MRTFA: variants seen among roughly 807,000 people sequenced by gnomAD.
The protein encoded by MRTFA is myocardin-related transcription factor A.
In MRTFA, 20 loss-of-function variants were observed where a neutral mutation model predicts 83.5. The observed-to-expected ratio is 0.24, with a 90% confidence interval of 0.17 to 0.35. The LOEUF (loss-of-function observed/expected upper bound fraction) is 0.35. MRTFA is among the 10% of genes least tolerant of loss of function. The probability of loss-of-function intolerance (pLI) is 1.00; values close to 1 mark genes in which losing one functional copy is unlikely to be tolerated. For synonymous variants in MRTFA, 659 were observed against 541.2 expected, an observed-to-expected ratio of 1.22 and a Z score of -3.02; for missense variants, 1,200 against 1,224.7, an observed-to-expected ratio of 0.98 and a Z score of 0.30.
At chr22:40,497,349 G>A (rs1421763176) in intron 3 of MRTFA, among the ~76,000 whole-genome samples, 1 of 152,212 alleles carries the variant, frequency 6.6e-6, no homozygotes, top group African/African-American at 2.4e-5. Flanking sequence ...ATTACTTGAG[G>A]AATGGAGAAT....
intron 2 of MRTFA, among the ~76,000 whole-genome samples, chr22:40,571,607 TG>T (rs928736153): frequency 6.6e-6 from 1 of 152,030 alleles, no homozygotes; most frequent in African/African-American, 2.4e-5. Context: ...AATTTTAAAA[TG>T]GGCAATGGAT....
At position 40,431,424 on chromosome 22, in the gene MRTFA, G is replaced by T; in HGVS notation, c.420C>A (p.Val140=). The stretch of plus-strand genomic sequence containing the variant: ...CCACACCTTCCAAAATGTGCATCCT[G>T]ACCAGCTCCGATCTCTCCGGCCGGG... The change falls in exon 6 of 15, where the codon GTC becomes GTA. Residue 140 remains valine, a synonymous_variant. Transcript: ENST00000355630. 6.2e-7 allele frequency: 1 copy of T among 1,614,048 alleles called. No individual in the cohort carries two copies. The highest frequency in any genetic ancestry group is 1.1e-5 in the South Asian group (1 of 91,058).
At chr22:40,493,663 A>T (rs1161471860) in intron 3 of MRTFA, among the ~76,000 whole-genome samples, 2 of 152,230 alleles carry the variant, frequency 1.3e-5, no homozygotes, top group African/African-American at 4.8e-5. Flanking sequence ...TACCAGCAAT[A>T]AATGATTTGT....
intron 3 of MRTFA, among the ~76,000 whole-genome samples, chr22:40,525,597 C>T (rs2054955513): frequency 6.6e-6 from 1 of 152,158 alleles, no homozygotes; most frequent in South Asian, 2.1e-4. Flanking sequence ...AGTATAAATA[C>T]ATAAAATTTT....
At chr22:40,444,886 G>A (rs561665647) in intron 4 of MRTFA, among the ~76,000 whole-genome samples, 1 of 152,156 alleles carries the variant, frequency 6.6e-6, no homozygotes, top group Non-Finnish European at 1.5e-5. Context: ...TGGGCAATGT[G>A]GCGGCACCCA....
chr22:40,463,108 A>G, intron 4 of MRTFA, 113 bp downstream of exon 4: 1 of 902,704 alleles, frequency 1.1e-6, no homozygotes, highest in South Asian at 1.5e-5. Context: ...AAGAGAGTGG[A>G]AAATAAAACG....
chr22:40,429,425 C>G, intron 7 of MRTFA, 181 bp downstream of exon 7: 2 of 739,626 alleles, frequency 2.7e-6, no homozygotes, highest in Non-Finnish European at 4.9e-6. Context: ...CAGGCACTAT[C>G]CCAAGTTCAT....
chr22:40,556,054 A>G (rs2055518868), intron 2 of MRTFA, among the ~76,000 whole-genome samples: 1 of 152,192 alleles, frequency 6.6e-6, no homozygotes, highest in Admixed American at 6.5e-5. Context: ...TTATACAAAG[A>G]AAAAAGATTT....
intron 1 of MRTFA, among the ~76,000 whole-genome samples, chr22:40,608,730 G>C (rs1464713464): frequency 6.6e-6 from 1 of 152,070 alleles, no homozygotes; most frequent in African/African-American, 2.4e-5. Context: ...CTGAGCCCTA[G>C]GGATACTAGT....
At chr22:40,619,814 T>C (rs2056498062) in intron 1 of MRTFA, among the ~76,000 whole-genome samples, 1 of 137,298 alleles carries the variant, frequency 7.3e-6, no homozygotes, top group Non-Finnish European at 1.5e-5. Flanking sequence ...GGTGCAAACC[T>C]GGGAGGTGGA....
intron 3 of MRTFA, among the ~76,000 whole-genome samples, chr22:40,514,074 G>A (rs573383903): frequency 4.6e-5 from 7 of 151,936 alleles, no homozygotes; most frequent in East Asian, 3.9e-4. Flanking sequence ...TGGCTAATAC[G>A]GCAAAACCCA....
chr22:40,434,963 A>G (rs545992622), intron 5 of MRTFA, among the ~76,000 whole-genome samples: 5 of 152,076 alleles, frequency 3.3e-5, no homozygotes, highest in Non-Finnish European at 7.4e-5. Flanking sequence ...TGTGGCAGAA[A>G]ACTTGGGCTT....
Position 40,555,586 on chromosome 22 carries a change from T to TA in MRTFA, c.-21-3220_-21-3219insT, listed in dbSNP as rs1556004957. 2.7e-3 allele frequency among the ~76,000 whole-genome samples: 404 copies of TA among 149,018 alleles called. 1 individual carries two copies. Among genetic ancestry groups the TA allele is most frequent in the Middle Eastern group, 7.0e-3 (2 of 286 alleles). On this transcript the variant is annotated intron_variant, in intron 2 of 14. Coordinates refer to ENST00000355630, the MANE Select transcript of MRTFA (RefSeq NM_020831.6). Reference sequence around the variant, plus strand: ...TAAACCTCATAAATTAAAAAAAATTTTATATATATATATATATCTCCACTC... The same window carrying TA: ...TAAACCTCATAAATTAAAAAAAATTTATATATATATATATATATCTCCACTC...
intron 2 of MRTFA, among the ~76,000 whole-genome samples, chr22:40,585,777 T>C (rs758302494): frequency 2.0e-5 from 3 of 152,122 alleles, no homozygotes; most frequent in Non-Finnish European, 4.4e-5. Flanking sequence ...CCAAGGGCAA[T>C]AGTTGAGCAG....
At chr22:40,542,734 C>G (rs1384745381) in intron 3 of MRTFA, among the ~76,000 whole-genome samples, 4 of 151,966 alleles carry the variant, frequency 2.6e-5, no homozygotes, top group African/African-American at 9.7e-5. Flanking sequence ...AATGATGGCA[C>G]AGAACAGAAT....
At chr22:40,623,380 T>C (rs2056545798) in intron 1 of MRTFA, among the ~76,000 whole-genome samples, 1 of 152,110 alleles carries the variant, frequency 6.6e-6, no homozygotes, top group Non-Finnish European at 1.5e-5. Flanking sequence ...TGCAGGTTAG[T>C]TACATATGTA....
At chr22:40,538,799 G>A (rs1206193188) in intron 3 of MRTFA, among the ~76,000 whole-genome samples, 1 of 151,892 alleles carries the variant, frequency 6.6e-6, no homozygotes, top group Non-Finnish European at 1.5e-5. Flanking sequence ...ACTTTAACAA[G>A]GGCTCTGCAC....
At chr22:40,476,156 G>C (rs1415885827) in intron 3 of MRTFA, among the ~76,000 whole-genome samples, 2 of 136,784 alleles carry the variant, frequency 1.5e-5, no homozygotes, top group Admixed American at 7.7e-5. Context: ...AAAAAAAAAA[G>C]GGGGGGGGTC....
chr22:40,533,750 C>T (rs1427167869), intron 3 of MRTFA: 9 of 513,036 alleles, frequency 1.8e-5, no homozygotes, highest in Middle Eastern at 5.5e-4. Context: ...ATGCTCAAAT[C>T]AGACTGTGAG....
Sources: gnomAD v4.1 joint callset for allele counts (sites outside exome capture counted in the v4.1 genomes callset) on GRCh38, gnomAD v4.1.1 for gene constraint, MANE v1.5 for transcripts, NCBI Gene and HGNC (gene_info 2026-07-23, HGNC 2026-07-21) for gene names.